The following GPC6 variants were observed in gnomAD, a reference collection of about 807,000 sequenced individuals.
GPC6 encodes the protein glypican-6.
GPC6 carries 14 observed loss-of-function variants against 55.2 expected under a neutral mutation model. The ratio of observed to expected loss-of-function variants is 0.25; its 90% CI spans 0.17 to 0.40. The LOEUF (loss-of-function observed/expected upper bound fraction) is 0.40. GPC6 is among the 10% of genes least tolerant of loss of function. The probability of loss-of-function intolerance (pLI) is 1.00; values close to 1 mark genes in which losing one functional copy is unlikely to be tolerated. For missense variants in GPC6, 641 were observed against 708.5 expected, an observed-to-expected ratio of 0.90 and a Z score of 1.08; for synonymous variants, 278 against 259.6, an observed-to-expected ratio of 1.07 and a Z score of -0.68.
chr13:93,279,781 T>C (rs1877884223), intron 1 of GPC6, among the ~76,000 whole-genome samples: 1 of 152,228 alleles, frequency 6.6e-6, no homozygotes, highest in African/African-American at 2.4e-5. Context: ...ACTAAAGTAC[T>C]TTAATTTCTT....
intron 3 of GPC6, among the ~76,000 whole-genome samples, chr13:93,835,041 A>G (rs1887680955): frequency 6.6e-6 from 1 of 152,150 alleles, no homozygotes; most frequent in African/African-American, 2.4e-5. Context: ...TCATAAAGAG[A>G]TATTAACAGA....
At chr13:93,294,919 T>TTG (rs751112026) in intron 1 of GPC6, among the ~76,000 whole-genome samples, 1 of 151,676 alleles carries the variant, frequency 6.6e-6, no homozygotes, top group Non-Finnish European at 1.5e-5. Flanking sequence ...CCCACATTCA[T>TTG]TGTGTTTTCA....
intron 4 of GPC6, among the ~76,000 whole-genome samples, chr13:94,277,215 G>T (rs1431730150): frequency 1.3e-5 from 2 of 151,172 alleles, no homozygotes; most frequent in Non-Finnish European, 2.9e-5. Context: ...TCATATGTTT[G>T]TTGTCCGCAT....
chr13:93,309,359 G>T (rs1878984133), intron 1 of GPC6, among the ~76,000 whole-genome samples: 1 of 151,924 alleles, frequency 6.6e-6, no homozygotes, highest in South Asian at 2.1e-4. Flanking sequence ...AATTCATGAT[G>T]TTGCTATTTT....
At chr13:94,112,408 G>A (rs1886280528) in intron 4 of GPC6, among the ~76,000 whole-genome samples, 1 of 152,180 alleles carries the variant, frequency 6.6e-6, no homozygotes, top group Non-Finnish European at 1.5e-5. Flanking sequence ...GGATGTGGTA[G>A]TGAGGTTGAT....
At chr13:93,902,445 C>T (rs1851183426) in intron 3 of GPC6, among the ~76,000 whole-genome samples, 2 of 152,094 alleles carry the variant, frequency 1.3e-5, no homozygotes, top group South Asian at 4.2e-4. Flanking sequence ...CTTCTTTACT[C>T]ATTCATCCAT....
chr13:94,164,902 G>A (rs150718118), intron 4 of GPC6, among the ~76,000 whole-genome samples: 1,772 of 152,170 alleles, frequency 0.012, 19 homozygotes, highest in Middle Eastern at 0.041. Context: ...AGGATTTAGA[G>A]TTTAAATAAA....
At chr13:93,830,959 C>A in intron 3 of GPC6, 1 of 167,194 alleles carries the variant, frequency 6.0e-6, no homozygotes, top group Non-Finnish European at 1.3e-5. Flanking sequence ...CATGGACCTG[C>A]GAATGGAGAC....
chr13:93,786,166 G>A (rs1256163989), intron 2 of GPC6, among the ~76,000 whole-genome samples: 2 of 152,090 alleles, frequency 1.3e-5, no homozygotes, highest in Admixed American at 6.5e-5. Flanking sequence ...AGACAGAGAG[G>A]AAGACTAGAA....
intron 2 of GPC6, among the ~76,000 whole-genome samples, chr13:93,684,408 G>A (rs1351116053): frequency 1.3e-5 from 2 of 152,166 alleles, no homozygotes; most frequent in Non-Finnish European, 2.9e-5. Flanking sequence ...GGCTGGCCTC[G>A]AACTCCTGGC....
chr13:93,486,038 C>T (rs1325000417), intron 1 of GPC6, among the ~76,000 whole-genome samples: 53 of 152,020 alleles, frequency 3.5e-4, no homozygotes, highest in Middle Eastern at 3.4e-3. Context: ...GCATAAAAGG[C>T]GGAGAAAATA....
Position 93,668,862 on chromosome 13 carries a change from C to T in GPC6, c.319+123441C>T, listed in dbSNP as rs16949092. Among the ~76,000 whole-genome samples the T allele has an allele frequency of 9.7e-3, 1,477 of 152,304 alleles. 31 individuals are homozygous for T. Among genetic ancestry groups the T allele is most frequent in the African/African-American group, 0.034 (1,407 of 41,560 alleles). On this transcript the variant is annotated intron_variant, in intron 2 of 8. Transcript: ENST00000377047. ...TAAGAAACTCATACAGCTAGTAAAA[C>T]GTAGGCTGCTTACCTGGAAACACTT... is the stretch of plus-strand genomic sequence containing the variant.
chr13:93,720,058 C>G (rs1883398632), intron 2 of GPC6, among the ~76,000 whole-genome samples: 1 of 151,896 alleles, frequency 6.6e-6, no homozygotes, highest in African/African-American at 2.4e-5. Flanking sequence ...TTTTGTGTGT[C>G]TCTGCCAGGT....
intron 2 of GPC6, among the ~76,000 whole-genome samples, chr13:93,804,814 C>A (rs1886492484): frequency 6.6e-6 from 1 of 152,196 alleles, no homozygotes; most frequent in African/African-American, 2.4e-5. Context: ...GTTTGGGCTT[C>A]TCCATGTAAT....
At chr13:93,907,136 A>C (rs1275003094) in intron 3 of GPC6, among the ~76,000 whole-genome samples, 2 of 152,278 alleles carry the variant, frequency 1.3e-5, no homozygotes, top group Non-Finnish European at 2.9e-5. Context: ...TATGTTTGAA[A>C]TGATAAATAA....
At chr13:93,748,794 G>A (rs1284298349) in intron 2 of GPC6, among the ~76,000 whole-genome samples, 1 of 152,096 alleles carries the variant, frequency 6.6e-6, no homozygotes, top group East Asian at 1.9e-4. Flanking sequence ...AGGGATAAGA[G>A]TGTCTTATTT....
intron 1 of GPC6, among the ~76,000 whole-genome samples, chr13:93,350,350 C>G (rs1170951774): frequency 1.3e-5 from 2 of 152,158 alleles, no homozygotes; most frequent in African/African-American, 4.8e-5. Context: ...AGGAAAATTG[C>G]TTAAACCCAG....
At chr13:94,161,202 T>C (rs1381133053) in intron 4 of GPC6, among the ~76,000 whole-genome samples, 1 of 152,202 alleles carries the variant, frequency 6.6e-6, no homozygotes, top group Non-Finnish European at 1.5e-5. Flanking sequence ...TATACTTTTC[T>C]TTTTTTCAAA....
chr13:93,966,775 C>G (rs1880065574), intron 3 of GPC6, among the ~76,000 whole-genome samples: 1 of 150,938 alleles, frequency 6.6e-6, no homozygotes, highest in Non-Finnish European at 1.5e-5. Context: ...CTCAGCCTCC[C>G]AAGTAGCTGG....
Sources: allele counts gnomAD v4.1 joint callset (sites outside exome capture counted in the v4.1 genomes callset), GRCh38; gene constraint gnomAD v4.1.1; transcripts MANE v1.5; gene names NCBI Gene and HGNC (gene_info 2026-07-23, HGNC 2026-07-21).